Variants in CREBBP observed in about 807,000 individuals in gnomAD.
The protein encoded by CREBBP is CREB-binding protein.
CREBBP carries 19 observed loss-of-function variants against 265.0 expected under a neutral mutation model. The ratio of observed to expected loss-of-function variants is 0.07; its 90% CI spans 0.05 to 0.11. The LOEUF is 0.11. Among genes scored for constraint, CREBBP ranks in the 10% least tolerant of loss-of-function variants. The pLI, the probability that CREBBP is intolerant of heterozygous loss-of-function variation, is 1.00. For synonymous variants in CREBBP, 1,457 were observed against 1,223.7 expected (o/e 1.19, Z -3.98); for missense variants, 2,525 against 3,219.0 (o/e 0.78, Z 5.22).
At chr16:3,798,907 T>A (rs564326974) in intron 3 of CREBBP, among the ~76,000 whole-genome samples, 1 of 152,128 alleles carries the variant, frequency 6.6e-6, no homozygotes, top group Non-Finnish European at 1.5e-5. Flanking sequence ...CTTTTACAAA[T>A]AGCCAAAAAG....
chr16:3,848,199 G>A (rs1331222928), intron 2 of CREBBP, among the ~76,000 whole-genome samples: 1 of 151,798 alleles, frequency 6.6e-6, no homozygotes, highest in African/African-American at 2.4e-5. Context: ...TACAACATAT[G>A]AGACCACTGG....
chr16:3,725,305 C>T lies in CREBBP; in HGVS notation c.*2413G>A, dbSNP rs934169696. 1 of 233,274 alleles carries T rather than the reference C, an allele frequency of 4.3e-6. No homozygotes were observed. The allele number at this position is 233,274 out of a possible 1,614,324, so 14.5% of individuals were successfully genotyped here. On this transcript the variant is annotated 3_prime_UTR_variant, in exon 31 of 31. Coordinates refer to ENST00000262367, the MANE Select transcript of CREBBP (RefSeq NM_004380.3). Reference sequence around the variant, plus strand: ...AAGACGGTTGCACAGGATGCAGACTCCAAAGAGGATGAGGTTGGTACATAA... The same window carrying T: ...AAGACGGTTGCACAGGATGCAGACTTCAAAGAGGATGAGGTTGGTACATAA...
At chr16:3,826,218 G>A (rs1208728355) in intron 2 of CREBBP, among the ~76,000 whole-genome samples, 1 of 152,136 alleles carries the variant, frequency 6.6e-6, no homozygotes, top group African/African-American at 2.4e-5. Flanking sequence ...GTCTCGGCGG[G>A]CGGGGAGCAA....
At chr16:3,768,445 C>A (rs562413420) in intron 15 of CREBBP, among the ~76,000 whole-genome samples, 43 of 152,098 alleles carry the variant, frequency 2.8e-4, no homozygotes, top group Admixed American at 2.0e-3. Flanking sequence ...CAGCTCCCAG[C>A]CTAATTTAAA....
At chr16:3,732,926 C>T (rs1004951548) in intron 28 of CREBBP, among the ~76,000 whole-genome samples, 16 of 151,994 alleles carry the variant, frequency 1.1e-4, no homozygotes, top group Non-Finnish European at 1.6e-4. Flanking sequence ...CCTTGAACTC[C>T]GGACCTCGGG....
At chr16:3,773,622 C>T in intron 13 of CREBBP, 129 bp downstream of exon 13, 1 of 958,164 alleles carries the variant, frequency 1.0e-6, no homozygotes, top group Non-Finnish European at 1.5e-6. Context: ...CAAAGAGAAG[C>T]TGATACAAAG....
chr16:3,752,205 T>C (rs1195519552), intron 19 of CREBBP, among the ~76,000 whole-genome samples: 2 of 152,194 alleles, frequency 1.3e-5, no homozygotes, highest in African/African-American at 2.4e-5. Flanking sequence ...AGCCCAAATT[T>C]AGGAATCTGA....
At chr16:3,781,775 C>G (rs185600345) in intron 6 of CREBBP, among the ~76,000 whole-genome samples, 3 of 152,074 alleles carry the variant, frequency 2.0e-5, no homozygotes, top group Non-Finnish European at 2.9e-5. Context: ...TTAAAGGAAA[C>G]GAAAGCTGAG....
rs61759496 is a variant in CREBBP, at chr16:3,850,895, T to C, written c.200A>G (p.His67Arg). The change falls in exon 2 of 31, where the codon CAT becomes CGT. Residue 67 changes from histidine (H) to arginine (R), a missense_variant. His to Arg is a conservative substitution (Grantham distance 29). Around this residue, in one of 19 missense-constraint regions of CREBBP, gnomAD observed 356 missense variants for 340.4 expected, o/e 1.05. Transcript: ENST00000262367. ...GNLVPDAASK[H>R]KQLSELLRGG... The stretch of plus-strand genomic sequence containing the variant: ...TCGTAGAAGCTCCGACAGTTGTTTA[T>C]GTTTGGAAGCAGCATCTGGAACAAG... The C allele has an allele frequency of 1.2e-6, 2 of 1,614,186 alleles. No homozygotes were observed. The highest frequency in any genetic ancestry group is 1.7e-6 in the Non-Finnish European group (2 of 1,180,042).
Position 3,736,056 on chromosome 16 carries a change from C to T in CREBBP, c.4708G>A (p.Ala1570Thr), listed in dbSNP as rs754986566. Residue 1570 changes from alanine to threonine, a missense_variant, in exon 28 of 31, where the codon GCA (alanine) becomes ACA (threonine). By Grantham distance (58) the Ala-to-Thr change is moderately conservative (BLOSUM62 0). Coordinates refer to ENST00000262367, the MANE Select transcript of CREBBP (RefSeq NM_004380.3). ...EEERKKEEST[A>T]ASETTEGSQG... ...TGTACCTCAGTGGTTTCACTGGCTG[C>T]AGTGCTCTCTTCCTTTTTCCTCTCC... The T allele has an allele frequency of 1.2e-6, 2 of 1,614,158 alleles. No individual in the cohort carries two copies. The highest frequency in any genetic ancestry group is 3.3e-5 in the Admixed American group (2 of 60,034).
intron 9 of CREBBP, 54 bp downstream of exon 9, chr16:3,778,646 G>GTGC: frequency 7.6e-7 from 1 of 1,319,566 alleles, no homozygotes; most frequent in Non-Finnish European, 1.1e-6. Context: ...GACAAATGTA[G>GTGC]TGCTGTCTAC....
intron 2 of CREBBP, among the ~76,000 whole-genome samples, chr16:3,849,417 GT>G (rs1279952694): frequency 0.015 from 105 of 7,092 alleles, no homozygotes; most frequent in East Asian, 0.062. Context: ...GTGTGTGTGT[GT>G]GTGTGTGTGT....
chr16:3,736,555 G>A (rs1216572919), intron 27 of CREBBP, 95 bp downstream of exon 27: 1 of 1,514,298 alleles, frequency 6.6e-7, no homozygotes, highest in Non-Finnish European at 9.2e-7. Flanking sequence ...CATAAGTGAA[G>A]GTAATTAACA....
intron 3 of CREBBP, among the ~76,000 whole-genome samples, chr16:3,801,120 G>A (rs1344842039): frequency 6.6e-6 from 1 of 152,108 alleles, no homozygotes; most frequent in Non-Finnish European, 1.5e-5. Flanking sequence ...AGGCCCCAAG[G>A]AAAGGGCCTT....
chr16:3,749,410 CATT>C (rs1449526595), intron 21 of CREBBP, among the ~76,000 whole-genome samples: 1 of 152,280 alleles, frequency 6.6e-6, no homozygotes, highest in East Asian at 1.9e-4. Flanking sequence ...TTAATCTTAT[CATT>C]GTTAAAATCC....
At chr16:3,865,932 G>C (rs563879154) in intron 1 of CREBBP, among the ~76,000 whole-genome samples, 2 of 152,124 alleles carry the variant, frequency 1.3e-5, no homozygotes, top group African/African-American at 2.4e-5. Flanking sequence ...CACCGCGCCC[G>C]GCCAAGAAAC....
intron 3 of CREBBP, among the ~76,000 whole-genome samples, chr16:3,800,610 A>G (rs1014391113): frequency 2.6e-5 from 4 of 152,166 alleles, no homozygotes; most frequent in Admixed American, 2.6e-4. Flanking sequence ...CAGGAGGCAA[A>G]GGTGGGAGAA....
At position 3,728,252 on chromosome 16, in the gene CREBBP, C is replaced by T. The variant is rs748072121; in HGVS notation, c.6795G>A (p.Ala2265=). 17 of 1,612,684 alleles carry T rather than the reference C, an allele frequency of 1.1e-5. No homozygotes were observed. The highest frequency in any genetic ancestry group is 8.0e-5 in the African/African-American group (6 of 74,912). ...PLQGSSMGQM[A]AQMGQLGQMG... ...TCTGGCCAAGCTGTCCCATCTGAGCCGCCATCTGGCCCATGGAGCTGCCCT... is the reference window on the plus strand; with the variant it reads ...TCTGGCCAAGCTGTCCCATCTGAGCTGCCATCTGGCCCATGGAGCTGCCCT... The change falls in exon 31 of 31, where the codon GCG becomes GCA. Residue 2265 remains alanine (A), a synonymous_variant. Coordinates refer to ENST00000262367, the MANE Select transcript of CREBBP (RefSeq NM_004380.3). This position sits in a 1 kb window ranked among gnomAD's most constrained non-coding sequence, Gnocchi z 8.7.
chr16:3,738,508 G>C (rs771837529), intron 26 of CREBBP, 51 bp downstream of exon 26: 2 of 1,110,984 alleles, frequency 1.8e-6, no homozygotes, highest in South Asian at 1.3e-5. Flanking sequence ...TAAACATACA[G>C]TAAAAAATAA....
Sources: gnomAD v4.1 joint callset for allele counts (sites outside exome capture counted in the v4.1 genomes callset) on GRCh38, gnomAD v4.1.1 for gene constraint, gnomAD v4.1.1 regional missense constraint, Gnocchi (gnomAD v3.1) non-coding constraint, MANE v1.5 for transcripts, NCBI Gene and HGNC (gene_info 2026-07-23, HGNC 2026-07-21) for gene names.